EFTUD2: variants seen among roughly 807,000 people sequenced by gnomAD.
EFTUD2 encodes 116 kDa U5 small nuclear ribonucleoprotein component.
EFTUD2 carries 9 observed loss-of-function variants against 114.3 expected under a neutral mutation model. That is an observed-to-expected ratio of 0.08 (90% CI 0.05 to 0.14). The LOEUF is 0.14. Among genes scored for constraint, EFTUD2 ranks in the 10% least tolerant of loss-of-function variants. The pLI is 1.00. For synonymous variants in EFTUD2, 449 were observed against 462.3 expected, an observed-to-expected ratio of 0.97 and a Z score of 0.37; for missense variants, 765 against 1,241.2, an observed-to-expected ratio of 0.62 and a Z score of 5.76.
At chr17:44,868,123 A>G (rs1401093739) in intron 12 of EFTUD2, among the ~76,000 whole-genome samples, 164 bp downstream of exon 12, 1 of 151,928 alleles carries the variant, frequency 6.6e-6, no homozygotes, top group African/African-American at 2.4e-5. Context: ...TCACCAGATC[A>G]GAGCTTAGGA....
In EFTUD2 at chr17:44,854,980, C is replaced by T. The variant is rs764096756; in HGVS notation, c.2070G>A (p.Glu690=). The T allele has an allele frequency of 4.3e-6, 7 of 1,614,156 alleles. No individual in the cohort carries two copies. In the South Asian group the frequency reaches 5.5e-5, roughly 13 times the overall value. ...NKKNKITMIA[E]PLEKGLAEDI... The stretch of plus-strand genomic sequence containing the variant: ...CCTCTGCCAGGCCCTTCTCAAGAGG[C>T]TCAGCAATCATGGTGATCTTGTTCC... The change falls in exon 21 of 28, where the codon GAG becomes GAA. Residue 690 remains glutamate (E), a synonymous_variant. Coordinates refer to ENST00000426333, the MANE Select transcript of EFTUD2 (RefSeq NM_004247.4). This position sits in a 1 kb window ranked among gnomAD's most constrained non-coding sequence, Gnocchi z 4.3.
chr17:44,857,985 G>GAT (rs1358805114), intron 19 of EFTUD2, among the ~76,000 whole-genome samples: 32 of 141,636 alleles, frequency 2.3e-4, no homozygotes, highest in Non-Finnish European at 3.8e-4. Context: ...GCAATGGTGC[G>GAT]ATCTTGGCTC....
Position 44,858,897 on chromosome 17 carries a change from G to GT in EFTUD2, c.1962+182dup, listed in dbSNP as rs1381277290. On this transcript the variant is annotated intron_variant, in intron 19 of 27. Coordinates refer to ENST00000426333, the MANE Select transcript of EFTUD2 (RefSeq NM_004247.4). Reference sequence around the variant, plus strand: ...GCACGGCTGAGCCTTGATTTTAAACGTATGACACAGCAGAAGGGGGCAAAC... The same window carrying GT: ...GCACGGCTGAGCCTTGATTTTAAACGTTATGACACAGCAGAAGGGGGCAAAC... Among the ~76,000 whole-genome samples the GT allele has an allele frequency of 1.1e-4, 16 of 152,124 alleles. No homozygotes were observed. The South Asian group carries it at 1.9e-3, about 18-fold the overall frequency.
intron 13 of EFTUD2, among the ~76,000 whole-genome samples, chr17:44,867,577 G>A (rs1268050607): frequency 2.0e-5 from 3 of 151,918 alleles, no homozygotes; most frequent in Non-Finnish European, 4.4e-5. Context: ...TAGGATTACA[G>A]GCATGAGCCA....
At chr17:44,870,458 G>T (rs1407854742) in intron 11 of EFTUD2, among the ~76,000 whole-genome samples, 1 of 152,026 alleles carries the variant, frequency 6.6e-6, no homozygotes, top group Middle Eastern at 3.2e-3. Flanking sequence ...AATGCTGTGT[G>T]AAAAACACAG....
rs2051334565 is a variant in EFTUD2 at position 44,894,175 on chromosome 17, A to C, written c.105+242T>G. 3.6e-5 allele frequency: 15 copies of C among 422,334 alleles called. No individual in the cohort carries two copies. In the South Asian group the frequency reaches 4.2e-4, roughly 12 times the overall value. The allele number at this position is 422,334 out of a possible 1,614,324, so 26.2% of individuals were successfully genotyped here. ...TGGACTGCTCGAGCTCAGGAGTTCA[A>C]GACCAGCCTGGGCAATGTTTCATCT... is the stretch of plus-strand genomic sequence containing the variant. On this transcript the variant is annotated intron_variant, in intron 2 of 27. Coordinates refer to ENST00000426333, the MANE Select transcript of EFTUD2 (RefSeq NM_004247.4).
intron 7 of EFTUD2, among the ~76,000 whole-genome samples, 175 bp from the exon 8 acceptor site, chr17:44,880,819 C>G (rs1259838058): frequency 1.3e-5 from 2 of 152,136 alleles, no homozygotes; most frequent in Admixed American, 1.3e-4. Context: ...GTGTTAGACA[C>G]CATTTTTGGG....
At chr17:44,858,171 C>G (rs2050591706) in intron 19 of EFTUD2, among the ~76,000 whole-genome samples, 1 of 152,128 alleles carries the variant, frequency 6.6e-6, no homozygotes, top group Admixed American at 6.6e-5. Context: ...ATCCAACCGC[C>G]TTGGACTTTC....
intron 2 of EFTUD2, among the ~76,000 whole-genome samples, chr17:44,889,056 C>G (rs904047551): frequency 6.6e-6 from 1 of 152,112 alleles, no homozygotes. Flanking sequence ...GAGGAAGCAG[C>G]AGCAAAGGCT....
intron 1 of EFTUD2, 168 bp downstream of exon 1, chr17:44,899,201 C>CG (rs1227653911): frequency 6.6e-6 from 1 of 152,220 alleles, no homozygotes; most frequent in African/African-American, 2.4e-5. Context: ...TGGGAAGGCA[C>CG]GAGGACGACA....
chr17:44,892,377 A>G (rs555645656), intron 2 of EFTUD2: 6 of 152,314 alleles, frequency 3.9e-5, no homozygotes, highest in Admixed American at 2.6e-4. Flanking sequence ...TGCCTAGGAC[A>G]TGTCACAAGA....
chr17:44,883,263 A>C, intron 5 of EFTUD2, 105 bp from the exon 6 acceptor site: 1 of 994,040 alleles, frequency 1.0e-6, no homozygotes, highest in Non-Finnish European at 1.5e-6. Context: ...AAGGAGAGAA[A>C]AAGGAGAGCA....
intron 1 of EFTUD2, among the ~76,000 whole-genome samples, chr17:44,896,482 C>T (rs1425774453): frequency 6.6e-6 from 1 of 152,018 alleles, no homozygotes; most frequent in Non-Finnish European, 1.5e-5. Context: ...CCCGTCTCTA[C>T]TAAAAATACA....
In EFTUD2 at chr17:44,888,650, C is replaced by T. The variant is rs71373523; in HGVS notation, c.106-1900G>A. On this transcript the variant is annotated intron_variant, in intron 2 of 27. Coordinates refer to ENST00000426333, the MANE Select transcript of EFTUD2 (RefSeq NM_004247.4). Reference sequence around the variant, plus strand: ...ATACATTACAAAGGTAGAGTCAAAACTGTTTTCTAATGAATTGAAAGGAGG... The same window carrying T: ...ATACATTACAAAGGTAGAGTCAAAATTGTTTTCTAATGAATTGAAAGGAGG... Among the ~76,000 whole-genome samples the T allele has an allele frequency of 4.5e-3, 678 of 152,256 alleles. 4 individuals carry two copies. The highest frequency in any genetic ancestry group is 0.015 in the African/African-American group (633 of 41,556).
chr17:44,854,613 A>T lies in EFTUD2; in HGVS notation c.2202T>A (p.Ala734=), dbSNP rs774867992. 1 of 1,614,198 alleles carries T rather than the reference A, an allele frequency of 6.2e-7. No homozygotes were observed. Among genetic ancestry groups the T allele is most frequent in the Admixed American group, 1.7e-5 (1 of 60,020 alleles). ...WDLLAARSIW[A]FGPDATGPNI... is the part of the protein sequence containing the mutation. ...TGGGGCCAGTCGCATCAGGGCCAAA[A>T]GCCCAGATGGAACGGGCAGCCAGCA... Residue 734 remains alanine (A), a synonymous_variant, in exon 22 of 28, where the codon GCT becomes GCA. Coordinates refer to ENST00000426333, the MANE Select transcript of EFTUD2 (RefSeq NM_004247.4). This position sits in a 1 kb window ranked among gnomAD's most constrained non-coding sequence, Gnocchi z 4.3.
intron 8 of EFTUD2, chr17:44,880,339 G>A (rs1213736247): frequency 1.2e-5 from 5 of 412,136 alleles, no homozygotes; most frequent in East Asian, 4.7e-5. Context: ...TTAAATATTC[G>A]AAAGAGTAAA....
At chr17:44,868,164 A>G in intron 12 of EFTUD2, 123 bp downstream of exon 12, 1 of 919,040 alleles carries the variant, frequency 1.1e-6, no homozygotes. Context: ...GAAAGACGGT[A>G]GTTTACATTA....
chr17:44,872,350 G>C (rs2050870266), intron 11 of EFTUD2, 96 bp downstream of exon 11: 17 of 1,509,768 alleles, frequency 1.1e-5, no homozygotes, highest in Non-Finnish European at 1.5e-5. Flanking sequence ...TCCCCCAGCA[G>C]GGTGCTGATA....
intron 7 of EFTUD2, 75 bp downstream of exon 7, chr17:44,881,612 C>CCT: frequency 6.6e-7 from 1 of 1,505,524 alleles, no homozygotes; most frequent in Non-Finnish European, 9.2e-7. Context: ...CATAAAGGCT[C>CCT]CTCTACATTC....
Sources: gnomAD v4.1 joint callset for allele counts (sites outside exome capture counted in the v4.1 genomes callset) on GRCh38, gnomAD v4.1.1 for gene constraint, Gnocchi (gnomAD v3.1) non-coding constraint, MANE v1.5 for transcripts, NCBI Gene and HGNC (gene_info 2026-07-23, HGNC 2026-07-21) for gene names.